The following AKAP12 variants were observed in gnomAD, a reference collection of about 807,000 sequenced individuals.
AKAP12 encodes the protein A-kinase anchoring protein 12.
A neutral mutation model predicts 79.9 loss-of-function variants in AKAP12; 32 were observed. The observed-to-expected ratio is 0.40, with a 90% CI of 0.30 to 0.54. The LOEUF is 0.54. Among genes scored for constraint, AKAP12 ranks in the 20% least tolerant of loss-of-function variants. The pLI, the probability that AKAP12 is intolerant of heterozygous loss-of-function variation, is 0.48. For missense variants in AKAP12, 2,074 were observed against 2,177.0 expected (o/e 0.95, Z 0.94); for synonymous variants, 808 against 857.0 (o/e 0.94, Z 1.00).
At chr6:151,340,737 G>T (rs34041188) in intron 3 of AKAP12, among the ~76,000 whole-genome samples, 1 of 151,774 alleles carries the variant, frequency 6.6e-6, no homozygotes, top group African/African-American at 2.4e-5. Flanking sequence ...CCATGCCTTG[G>T]CCATTGCCAG....
At chr6:151,317,915 T>C (rs1777272198) in intron 3 of AKAP12, among the ~76,000 whole-genome samples, 1 of 152,160 alleles carries the variant, frequency 6.6e-6, no homozygotes, top group Non-Finnish European at 1.5e-5. Context: ...GTAAATAAAG[T>C]GGCAGATTGA....
At chr6:151,300,527 G>A (rs1429221891) in intron 2 of AKAP12, among the ~76,000 whole-genome samples, 1 of 152,170 alleles carries the variant, frequency 6.6e-6, no homozygotes, top group Admixed American at 6.5e-5. Flanking sequence ...TCATTAAACA[G>A]CCTGGTACTC....
intron 3 of AKAP12, among the ~76,000 whole-genome samples, chr6:151,320,480 A>G (rs1039541810): frequency 6.6e-6 from 1 of 151,680 alleles, no homozygotes; most frequent in Non-Finnish European, 1.5e-5. Flanking sequence ...AATCCTCTCC[A>G]CATGTGGCTT....
intron 4 of AKAP12, among the ~76,000 whole-genome samples, chr6:151,354,687 T>G (rs1190714169): frequency 6.6e-6 from 1 of 150,946 alleles, no homozygotes; most frequent in Non-Finnish European, 1.5e-5. Flanking sequence ...TTTGTTTTGT[T>G]TTTTGAGAGA....
At chr6:151,322,296 C>A (rs867815072) in intron 3 of AKAP12, among the ~76,000 whole-genome samples, 1 of 152,018 alleles carries the variant, frequency 6.6e-6, no homozygotes, top group East Asian at 1.9e-4. Context: ...TAACGTTGGA[C>A]GTATTTTCAT....
At chr6:151,242,597 A>G (rs556711024) in intron 2 of AKAP12, among the ~76,000 whole-genome samples, 1 of 151,996 alleles carries the variant, frequency 6.6e-6, no homozygotes, top group African/African-American at 2.4e-5. Flanking sequence ...TTTCAAAAGG[A>G]CTCCCCAATT....
Position 151,352,657 on chromosome 6 carries a change from A to T in AKAP12, c.4266A>T (p.Thr1422=). ...GCTCTGAGGCATCATTCACTCTAAC[A>T]GCGGCTGCAGAGGAGGAAAAGGTCT... is the stretch of plus-strand genomic sequence containing the variant. The part of the protein sequence containing the change: ...VQSSEASFTL[T]AAAEEEKVLG... Residue 1422 remains threonine, a synonymous_variant, in exon 4 of 5, where the codon ACA becomes ACT. Coordinates refer to ENST00000402676, the MANE Select transcript of AKAP12 (RefSeq NM_005100.4). 3 of 1,614,210 alleles carry T rather than the reference A, an allele frequency of 1.9e-6. No individual in the cohort carries two copies. Among genetic ancestry groups the T allele is most frequent in the Non-Finnish European group, 2.5e-6 (3 of 1,180,032 alleles).
At chr6:151,339,178 C>T (rs1264065606) in intron 3 of AKAP12, among the ~76,000 whole-genome samples, 1 of 152,118 alleles carries the variant, frequency 6.6e-6, no homozygotes, top group Non-Finnish European at 1.5e-5. Context: ...GTTGACATAT[C>T]GAAATACTTG....
At chr6:151,262,825 GT>G (rs763222410) in intron 2 of AKAP12, among the ~76,000 whole-genome samples, 1 of 152,220 alleles carries the variant, frequency 6.6e-6, no homozygotes, top group East Asian at 1.9e-4. Context: ...CCTTAGGACT[GT>G]TTCACCAGTG....
chr6:151,283,885 C>T (rs1776452438), intron 2 of AKAP12, among the ~76,000 whole-genome samples: 1 of 152,246 alleles, frequency 6.6e-6, no homozygotes, highest in African/African-American at 2.4e-5. Context: ...TCGACCCATT[C>T]TGTCCACAGG....
rs73780608 is a variant in AKAP12, at chr6:151,301,820, C to A, written c.163-3927C>A. On this transcript the variant is annotated intron_variant, in intron 2 of 4. Coordinates refer to ENST00000402676, the MANE Select transcript of AKAP12 (RefSeq NM_005100.4). ...CGTCACTGTCATAAATCGTTTTCTA[C>A]CGAAGTTAATAATGTATCTACGGCC... Among the ~76,000 whole-genome samples, 920 of 152,156 alleles carry A rather than the reference C, an allele frequency of 6.0e-3. 8 individuals carry two copies. Among genetic ancestry groups the A allele is most frequent in the African/African-American group, 0.021 (868 of 41,504 alleles).
chr6:151,289,839 T>G (rs1396696144), intron 2 of AKAP12, among the ~76,000 whole-genome samples: 1 of 152,038 alleles, frequency 6.6e-6, no homozygotes, highest in Non-Finnish European at 1.5e-5. Flanking sequence ...CCTTGTGAGG[T>G]TTTAGCTTGG....
chr6:151,324,126 A>G, intron 3 of AKAP12: 1 of 985,336 alleles, frequency 1.0e-6, no homozygotes, highest in Non-Finnish European at 1.2e-6. Context: ...CACCAGCCTC[A>G]TTATTAAAAT....
At chr6:151,247,561 A>C (rs1358858697) in intron 2 of AKAP12, among the ~76,000 whole-genome samples, 1 of 152,158 alleles carries the variant, frequency 6.6e-6, no homozygotes, top group African/African-American at 2.4e-5. Context: ...ACCATCTTTA[A>C]ATTTATTTGC....
chr6:151,300,555 A>G (rs1366488104), intron 2 of AKAP12, among the ~76,000 whole-genome samples: 1 of 152,150 alleles, frequency 6.6e-6, no homozygotes, highest in Non-Finnish European at 1.5e-5. Context: ...TTACTCTGCA[A>G]AGGAGGTCCC....
rs538228176 is a variant in AKAP12, at chr6:151,264,084, A to C, written c.162+23360A>C. Among the ~76,000 whole-genome samples the C allele has an allele frequency of 3.8e-4, 58 of 152,174 alleles. 1 individual carries two copies. The highest frequency in any genetic ancestry group is 7.5e-4 in the Non-Finnish European group (51 of 68,010). ...GGGCAGGTGGAGGGGGCACTGTTTC[A>C]TGAGGAAAGCTAATGGTATGCAGAA... On this transcript the variant is annotated intron_variant, in intron 2 of 4. Coordinates refer to ENST00000402676, the MANE Select transcript of AKAP12 (RefSeq NM_005100.4).
intron 2 of AKAP12, among the ~76,000 whole-genome samples, chr6:151,243,544 C>G (rs890974809): frequency 3.3e-5 from 5 of 152,268 alleles, no homozygotes; most frequent in African/African-American, 1.2e-4. Context: ...TTTAGATGCA[C>G]TAAAGCAGAA....
At chr6:151,321,442 G>A (rs1777384498) in intron 3 of AKAP12, among the ~76,000 whole-genome samples, 1 of 152,124 alleles carries the variant, frequency 6.6e-6, no homozygotes, top group East Asian at 1.9e-4. Flanking sequence ...AACCGTGTAT[G>A]CTCTTTGGTG....
intron 2 of AKAP12, among the ~76,000 whole-genome samples, chr6:151,267,715 C>G (rs1422049208): frequency 6.6e-6 from 1 of 152,206 alleles, no homozygotes; most frequent in Non-Finnish European, 1.5e-5. Context: ...GGACCTATTA[C>G]ATTTCTAGAA....
Sources: allele counts gnomAD v4.1 joint callset (sites outside exome capture counted in the v4.1 genomes callset), GRCh38; gene constraint gnomAD v4.1.1; transcripts MANE v1.5; gene names NCBI Gene and HGNC (gene_info 2026-07-23, HGNC 2026-07-21).